Variants in CDH22 observed in about 807,000 individuals in gnomAD.
CDH22 encodes cadherin-22.
A neutral mutation model predicts 58.4 loss-of-function variants in CDH22; 30 were observed. That is an observed-to-expected ratio of 0.51 (90% CI 0.38 to 0.70). The LOEUF (loss-of-function observed/expected upper bound fraction) is 0.70, where lower values mean the gene tolerates loss of function less well. Among genes scored for constraint, CDH22 ranks in the 30% least tolerant of loss-of-function variants. The pLI is 0.00. For synonymous variants in CDH22, 513 were observed against 558.2 expected (o/e 0.92, Z 1.14); for missense variants, 1,014 against 1,233.9 (o/e 0.82, Z 2.67).
intron 1 of CDH22, among the ~76,000 whole-genome samples, chr20:46,253,729 G>A (rs1048778662): frequency 2.6e-5 from 4 of 152,268 alleles, no homozygotes; most frequent in East Asian, 1.9e-4. Flanking sequence ...GCTTCCCTGC[G>A]TGCCCCATGG....
intron 1 of CDH22, among the ~76,000 whole-genome samples, chr20:46,279,865 A>G (rs1171394341): frequency 2.6e-5 from 4 of 152,256 alleles, no homozygotes; most frequent in East Asian, 1.9e-4. Context: ...GGATCAAATT[A>G]TACGTGCAGA....
intron 1 of CDH22, among the ~76,000 whole-genome samples, chr20:46,298,188 G>C (rs1305149053): frequency 6.6e-6 from 1 of 151,844 alleles, no homozygotes; most frequent in East Asian, 1.9e-4. Flanking sequence ...CTTCTGTTCT[G>C]TCCTGGAAAT....
chr20:46,259,733 T>C (rs1033339751), intron 1 of CDH22, among the ~76,000 whole-genome samples: 1 of 151,984 alleles, frequency 6.6e-6, no homozygotes, highest in Admixed American at 6.6e-5. Context: ...AAGTAGGAAA[T>C]TACTGGAAGA....
intron 1 of CDH22, among the ~76,000 whole-genome samples, chr20:46,290,754 C>T (rs999545666): frequency 2.6e-5 from 4 of 151,896 alleles, no homozygotes; most frequent in Non-Finnish European, 5.9e-5. Context: ...AGGGAATTCA[C>T]GAAGCTAGAG....
At position 46,274,536 on chromosome 20, in the gene CDH22, A is replaced by C. The variant is rs193135627; in HGVS notation, c.-399-22843T>G. On this transcript the variant is annotated intron_variant, in intron 1 of 11. Coordinates refer to ENST00000537909, the MANE Select transcript of CDH22 (RefSeq NM_021248.3). ...AGTTTGGTAGTTTCTTTAAAAGTTAAATGTAAATGTACTATACGATCCAGC... is the reference window on the plus strand; with the variant it reads ...AGTTTGGTAGTTTCTTTAAAAGTTACATGTAAATGTACTATACGATCCAGC... Among the ~76,000 whole-genome samples the C allele has an allele frequency of 3.0e-4, 46 of 152,362 alleles. 1 individual carries two copies. The highest frequency in any genetic ancestry group is 6.0e-4 in the Non-Finnish European group (41 of 68,034).
chr20:46,251,118 G>C lies in CDH22; in HGVS notation c.177C>G (p.Arg59=). 1 of 1,606,522 alleles carries C rather than the reference G, an allele frequency of 6.2e-7. No homozygotes were observed. The highest frequency in any genetic ancestry group is 8.5e-7 in the Non-Finnish European group (1 of 1,176,528). ...GGTTCCACACCCAGCCGCGTTTGAC[G>C]CGGCCGGCTCCCAGCGCGCCGTCCT... The part of the protein sequence containing the change: ...ARQDGALGAG[R]VKRGWVWNQF... Residue 59 remains arginine (R), a synonymous_variant, in exon 2 of 12, where the codon CGC becomes CGG. Coordinates refer to ENST00000537909, the MANE Select transcript of CDH22 (RefSeq NM_021248.3). The surrounding 1 kb of genome is among the most constrained non-coding windows in gnomAD (Gnocchi z 6.7).
At chr20:46,277,832 GGA>G (rs2086527389) in intron 1 of CDH22, among the ~76,000 whole-genome samples, 1 of 151,954 alleles carries the variant, frequency 6.6e-6, no homozygotes, top group Non-Finnish European at 1.5e-5. Flanking sequence ...GCAGTGAGTG[GGA>G]GAGTGAAGCG....
At chr20:46,265,049 C>T (rs1358989326) in intron 1 of CDH22, among the ~76,000 whole-genome samples, 1 of 152,100 alleles carries the variant, frequency 6.6e-6, no homozygotes, top group Admixed American at 6.6e-5. Context: ...TGCCCGTGTG[C>T]CGGTGCCACC....
At chr20:46,196,347 T>G (rs986666765) in intron 8 of CDH22, among the ~76,000 whole-genome samples, 3 of 152,030 alleles carry the variant, frequency 2.0e-5, no homozygotes, top group African/African-American at 7.2e-5. Context: ...TGATCTTGGC[T>G]CATTGCAACC....
chr20:46,305,980 A>T (rs1344722131), intron 1 of CDH22, among the ~76,000 whole-genome samples: 1 of 152,208 alleles, frequency 6.6e-6, no homozygotes, highest in Non-Finnish European at 1.5e-5. Flanking sequence ...ACATCCAGAG[A>T]TCACAGCCAC....
intron 1 of CDH22, among the ~76,000 whole-genome samples, chr20:46,274,765 T>C (rs1405038883): frequency 6.6e-6 from 1 of 150,400 alleles, no homozygotes; most frequent in Non-Finnish European, 1.5e-5. Flanking sequence ...AATGAGCTGC[T>C]GATACCTGCT....
chr20:46,280,225 GC>G (rs1477749647), intron 1 of CDH22, among the ~76,000 whole-genome samples: 1 of 152,194 alleles, frequency 6.6e-6, no homozygotes, highest in Non-Finnish European at 1.5e-5. Flanking sequence ...TTTGAGACCA[GC>G]CTGATCAATA....
intron 1 of CDH22, among the ~76,000 whole-genome samples, chr20:46,306,062 C>A (rs970971202): frequency 6.6e-6 from 1 of 152,276 alleles, no homozygotes; most frequent in Non-Finnish European, 1.5e-5. Flanking sequence ...TTGTCCTCTG[C>A]TTCTGCTACT....
chr20:46,255,528 T>A (rs948703648), intron 1 of CDH22, among the ~76,000 whole-genome samples: 1 of 152,174 alleles, frequency 6.6e-6, no homozygotes, highest in African/African-American at 2.4e-5. Flanking sequence ...GCACAATCTG[T>A]ACTACTGTTT....
In CDH22 at chr20:46,215,043, A is replaced by G. The variant is rs185760991; in HGVS notation, c.838+1783T>C. 1.2e-3 allele frequency among the ~76,000 whole-genome samples: 190 copies of G among 152,394 alleles called. 1 individual carries two copies. The highest frequency in any genetic ancestry group is 4.4e-3 in the African/African-American group (185 of 41,602). Reference sequence around the variant, plus strand: ...ACAAATCAAAGAACGTGACAGTACCAGGAGTCAGTGAGGATGTGGTACAAT... The same window carrying G: ...ACAAATCAAAGAACGTGACAGTACCGGGAGTCAGTGAGGATGTGGTACAAT... On this transcript the variant is annotated intron_variant, in intron 5 of 11. Coordinates refer to ENST00000537909, the MANE Select transcript of CDH22 (RefSeq NM_021248.3).
chr20:46,185,084 T>TCAAACAAACAAACAAA (rs139877494), intron 10 of CDH22, among the ~76,000 whole-genome samples: 60 of 149,254 alleles, frequency 4.0e-4, no homozygotes, highest in Admixed American at 1.9e-3. Flanking sequence ...AGATGCTGTC[T>TCAAACAAACAAACAAA]CAAACAAACA....
chr20:46,185,888 A>C (rs1259508722), intron 10 of CDH22, among the ~76,000 whole-genome samples: 1 of 151,636 alleles, frequency 6.6e-6, no homozygotes, highest in African/African-American at 2.4e-5. Flanking sequence ...AAAACCAAAA[A>C]AGGAATGTGA....
In CDH22 at chr20:46,251,373, C is replaced by G; in HGVS notation, c.-79G>C. The G allele has an allele frequency of 7.3e-7, 1 of 1,372,136 alleles. No individual in the cohort carries two copies. The allele number at this position is 1,372,136 out of a possible 1,614,324, so 85.0% of individuals were successfully genotyped here. ...GCCGCTGCTTGGTCGCACAACGATGCGGCGCCGTGTCACATGGTGGCCTCA... is the reference window on the plus strand; with the variant it reads ...GCCGCTGCTTGGTCGCACAACGATGGGGCGCCGTGTCACATGGTGGCCTCA... On this transcript the variant is annotated 5_prime_UTR_variant, in exon 2 of 12. Coordinates refer to ENST00000537909, the MANE Select transcript of CDH22 (RefSeq NM_021248.3). This position sits in a 1 kb window ranked among gnomAD's most constrained non-coding sequence, Gnocchi z 6.7.
Position 46,181,740 on chromosome 20 carries a change from C to CT in CDH22, c.1664-3544dup, listed in dbSNP as rs1568649808. Reference sequence around the variant, plus strand: ...TTTTCCTTCCTTCCTTCCTTCCTTCCTTCCTTCCTTCCTTCTTTCTTTCTT... The same window carrying CT: ...TTTTCCTTCCTTCCTTCCTTCCTTCCTTTCCTTCCTTCCTTCTTTCTTTCTT... On this transcript the variant is annotated intron_variant, in intron 10 of 11. Coordinates refer to ENST00000537909, the MANE Select transcript of CDH22 (RefSeq NM_021248.3). Among the ~76,000 whole-genome samples, 5 of 38,708 alleles carry CT rather than the reference C, an allele frequency of 1.3e-4. 1 individual carries two copies. Among genetic ancestry groups the CT allele is most frequent in the Non-Finnish European group, 2.9e-4 (5 of 17,508 alleles). The allele number at this position is 38,708 out of a possible 152,430, so 25.4% of individuals were successfully genotyped here.
Sources: gnomAD v4.1 joint callset for allele counts (sites outside exome capture counted in the v4.1 genomes callset) on GRCh38, gnomAD v4.1.1 for gene constraint, Gnocchi (gnomAD v3.1) non-coding constraint, MANE v1.5 for transcripts, NCBI Gene and HGNC (gene_info 2026-07-23, HGNC 2026-07-21) for gene names.